Variants in CELF2 observed in about 807,000 individuals in gnomAD.
CELF2 encodes CUG triplet repeat RNA-binding protein 2.
Under a neutral mutation model 62.6 loss-of-function variants are expected in CELF2, and 8 were observed. That is an observed-to-expected ratio of 0.13 (90% CI 0.07 to 0.23). CELF2 has a LOEUF of 0.23. Ranked by LOEUF, CELF2 falls within the 10% of genes least tolerant of loss-of-function variation. The pLI, the probability that CELF2 is intolerant of heterozygous loss-of-function variation, is 1.00. For missense variants in CELF2, 333 were observed against 671.0 expected (o/e 0.50, Z 5.56); for synonymous variants, 258 against 250.0 (o/e 1.03, Z -0.30).
At chr10:10,620,702 A>G in the CELF2 span, among the ~76,000 whole-genome samples, 2 of 151,506 alleles carry the variant, frequency 1.3e-5, no homozygotes, top group Non-Finnish European at 2.9e-5. Context: ...GGAGATTGAG[A>G]CTATCCTGGC....
At chr10:10,794,839 C>G (rs1269113077), upstream of CELF2, 2 of 152,164 alleles carry the variant, frequency 1.3e-5, no homozygotes, top group African/African-American at 4.8e-5. Context: ...GAAAGCCCAC[C>G]TGGAATGCTG....
intron 1 of CELF2, among the ~76,000 whole-genome samples, chr10:10,805,744 A>G (rs1160212158): frequency 6.6e-6 from 1 of 152,182 alleles, no homozygotes; most frequent in East Asian, 1.9e-4. Context: ...GAGTTTGATC[A>G]TAGAGAGAGT....
the CELF2 span, among the ~76,000 whole-genome samples, chr10:10,664,697 T>C: frequency 6.6e-6 from 1 of 152,254 alleles, no homozygotes; most frequent in South Asian, 2.1e-4. Flanking sequence ...CCTTGAGTTC[T>C]GCTAAATACA....
chr10:10,624,640 G>A, the CELF2 span, among the ~76,000 whole-genome samples: 1 of 152,172 alleles, frequency 6.6e-6, no homozygotes, highest in Non-Finnish European at 1.5e-5. Flanking sequence ...TAGTCCTGAT[G>A]CGATTATATA....
intron 3 of CELF2, among the ~76,000 whole-genome samples, chr10:11,245,675 C>T (rs144513593): frequency 2.2e-4 from 34 of 152,250 alleles, no homozygotes; most frequent in African/African-American, 7.2e-4. Flanking sequence ...AGCAGCTGCA[C>T]GAATGCTAAG....
intron 1 of CELF2, among the ~76,000 whole-genome samples, chr10:11,089,265 T>C (rs1055451854): frequency 2.6e-4 from 40 of 152,194 alleles, no homozygotes; most frequent in African/African-American, 8.9e-4. Flanking sequence ...ACAGTGGAGG[T>C]TGGCAGCCGA....
At chr10:10,557,633 C>T in the CELF2 span, among the ~76,000 whole-genome samples, 1 of 152,080 alleles carries the variant, frequency 6.6e-6, no homozygotes, top group Non-Finnish European at 1.5e-5. Flanking sequence ...GCAGTATTGC[C>T]ATTTTCACAA....
the CELF2 span, among the ~76,000 whole-genome samples, chr10:10,755,292 T>C: frequency 6.6e-6 from 1 of 152,198 alleles, no homozygotes; most frequent in South Asian, 2.1e-4. Flanking sequence ...TATTCATATT[T>C]ATCTTCTATT....
chr10:10,835,785 T>A (rs1442302449), intron 1 of CELF2, among the ~76,000 whole-genome samples: 1 of 152,234 alleles, frequency 6.6e-6, no homozygotes, highest in Non-Finnish European at 1.5e-5. Flanking sequence ...CTGGATTTCA[T>A]GATTTCATGG....
At chr10:11,097,887 A>G (rs2050344949) in intron 1 of CELF2, among the ~76,000 whole-genome samples, 1 of 152,224 alleles carries the variant, frequency 6.6e-6, no homozygotes, top group African/African-American at 2.4e-5. Flanking sequence ...TCTCTCCTCC[A>G]GGTCTGGCCT....
intron 3 of CELF2, among the ~76,000 whole-genome samples, chr10:11,228,086 T>C (rs183613204): frequency 1.3e-5 from 2 of 152,314 alleles, no homozygotes; most frequent in East Asian, 1.9e-4. Context: ...ATTCTATATA[T>C]GTTATATGCT....
intron 1 of CELF2, among the ~76,000 whole-genome samples, chr10:10,895,892 G>C (rs2062517617): frequency 6.6e-6 from 1 of 152,172 alleles, no homozygotes; most frequent in Non-Finnish European, 1.5e-5. Context: ...TGCTTTGAGA[G>C]AGTTTCCAGG....
intron 3 of CELF2, among the ~76,000 whole-genome samples, chr10:11,218,101 C>A (rs2063803165): frequency 6.6e-6 from 1 of 152,160 alleles, no homozygotes; most frequent in Non-Finnish European, 1.5e-5. Context: ...CACAATTCAC[C>A]AGAAATGAAC....
chr10:11,232,119 T>A (rs1002063829), intron 3 of CELF2, among the ~76,000 whole-genome samples: 11 of 152,066 alleles, frequency 7.2e-5, no homozygotes, highest in African/African-American at 2.4e-4. Context: ...ATTAGGTATA[T>A]CTCCTAATGC....
chr10:11,312,674 A>G lies in CELF2; in HGVS notation c.977-1465A>G, dbSNP rs532299920. 9.2e-5 allele frequency among the ~76,000 whole-genome samples: 14 copies of G among 152,340 alleles called. 1 individual carries two copies. The East Asian group carries it at 2.7e-3, about 29-fold the overall frequency. On this transcript the variant is annotated intron_variant, in intron 9 of 12. Transcript: ENST00000633077. ...AAACCTGGCTGGCTTGGAGGCTCAC[A>G]CCTGTAATCCCAGCACTTTGGGAGG...
chr10:10,548,914 T>C, the CELF2 span, among the ~76,000 whole-genome samples: 2 of 152,202 alleles, frequency 1.3e-5, no homozygotes, highest in East Asian at 1.9e-4. Context: ...TTAAATTATA[T>C]TGAATATTAA....
rs2060361598 is a variant in CELF2 at position 11,206,072 on chromosome 10, AG to A, written c.272-11352del. On this transcript the variant is annotated intron_variant, in intron 2 of 12. Coordinates refer to ENST00000633077, the MANE Select transcript of CELF2 (RefSeq NM_001326342.2). ...TTGGATTGCAAATAACCCTTTTGAG[AG>A]TTCAGAGGCACCTAGAACCCTTGAG... Among the ~76,000 whole-genome samples, 3 of 152,332 alleles carry A rather than the reference AG, an allele frequency of 2.0e-5. No individual in the cohort carries two copies. In the South Asian group the frequency reaches 6.2e-4, roughly 32 times the overall value.
At chr10:11,199,451 C>A (rs1021778332) in intron 2 of CELF2, among the ~76,000 whole-genome samples, 3 of 152,136 alleles carry the variant, frequency 2.0e-5, no homozygotes, top group African/African-American at 7.2e-5. Flanking sequence ...GTCACACCTG[C>A]GAGCAGAGAA....
At chr10:10,889,782 C>T (rs991524840) in intron 1 of CELF2, among the ~76,000 whole-genome samples, 1 of 152,174 alleles carries the variant, frequency 6.6e-6, no homozygotes, top group Admixed American at 6.5e-5. Flanking sequence ...GAGCATAACA[C>T]AAGAGTATTG....
Sources: allele counts gnomAD v4.1 joint callset (sites outside exome capture counted in the v4.1 genomes callset), GRCh38; gene constraint gnomAD v4.1.1; transcripts MANE v1.5; gene names NCBI Gene and HGNC (gene_info 2026-07-23, HGNC 2026-07-21).